Variants in PSAPL1 observed in about 807,000 individuals in gnomAD.
PSAPL1 encodes the protein proactivator polypeptide-like 1.
For synonymous variants in PSAPL1, 351 were observed against 291.6 expected (o/e 1.20, Z -2.08); for missense variants, 814 against 688.8 (o/e 1.18, Z -2.03).
Position 7,434,149 on chromosome 4 carries a change from G to C in PSAPL1, c.731C>G (p.Pro244Arg), listed in dbSNP as rs200558117. The change falls in exon 1 of 1, where the codon CCG becomes CGG. Residue 244 changes from proline (P) to arginine (R), a missense_variant. Coordinates refer to ENST00000319098, the MANE Select transcript of PSAPL1 (RefSeq NM_001085382.2). Reference protein sequence around the residue: ...PADQALRLLPPQELCRKGGFC... With the variant: ...PADQALRLLPRQELCRKGGFC... ...TCCCCCCTTCCTGCAGAGCTCCTGC[G>C]GGGGGAGAAGCCTCAGTGCTTGGTC... 6 of 1,613,826 alleles carry C rather than the reference G, an allele frequency of 3.7e-6. No homozygotes were observed. Among genetic ancestry groups the C allele is most frequent in the African/African-American group, 1.3e-5 (1 of 75,048 alleles).
At position 7,434,481 on chromosome 4, in the gene PSAPL1, C is replaced by A. The variant is rs369932062; in HGVS notation, c.399G>T (p.Val133=). The A allele has an allele frequency of 1.2e-6, 2 of 1,611,832 alleles. No homozygotes were observed. The highest frequency in any genetic ancestry group is 1.7e-5 in the Admixed American group (1 of 59,936). The change falls in exon 1 of 1, where the codon GTG becomes GTT. Residue 133 remains valine (V), a synonymous_variant. Coordinates refer to ENST00000319098, the MANE Select transcript of PSAPL1 (RefSeq NM_001085382.2). Reference sequence around the variant, plus strand: ...GCTCACAGAGGCTGAGCGCTGTGCACACCTGTGCCGGGGCACTGTCCGGGG... The same window carrying A: ...GCTCACAGAGGCTGAGCGCTGTGCAAACCTGTGCCGGGGCACTGTCCGGGG... The part of the protein sequence containing the change: ...RGAPDSAPAQ[V]CTALSLCEPL...
chr4:7,434,476 G>A lies in PSAPL1; in HGVS notation c.404C>T (p.Thr135Ile). The A allele has an allele frequency of 1.2e-6, 2 of 1,611,566 alleles. No homozygotes were observed. The highest frequency in any genetic ancestry group is 1.7e-6 in the Non-Finnish European group (2 of 1,179,572). ...CAGCGGCTCACAGAGGCTGAGCGCT[G>A]TGCACACCTGTGCCGGGGCACTGTC... Reference protein sequence around the residue: ...APDSAPAQVCTALSLCEPLQR... With the variant: ...APDSAPAQVCIALSLCEPLQR... Residue 135 changes from threonine (T) to isoleucine (I), a missense_variant, in exon 1 of 1, where the codon ACA (threonine) becomes ATA (isoleucine). Coordinates refer to ENST00000319098, the MANE Select transcript of PSAPL1 (RefSeq NM_001085382.2).
chr4:7,433,225 G>T lies in PSAPL1; in HGVS notation c.*89C>A, dbSNP rs991422283. 14 of 1,286,268 alleles carry T rather than the reference G, an allele frequency of 1.1e-5. No individual in the cohort carries two copies. In the African/African-American group the frequency reaches 1.7e-4, roughly 15 times the overall value. The allele number at this position is 1,286,268 out of a possible 1,614,324, so 79.7% of individuals were successfully genotyped here. ...CTCCTTCCCAGCCTCCCTCCTCAGAGCTTCAGTTTTTCATTTGTGAAATGG... is the reference window on the plus strand; with the variant it reads ...CTCCTTCCCAGCCTCCCTCCTCAGATCTTCAGTTTTTCATTTGTGAAATGG... On this transcript the variant is annotated 3_prime_UTR_variant, in exon 1 of 1. Transcript: ENST00000319098.
In PSAPL1 at chr4:7,433,830, A is replaced by C. The variant is rs750071382; in HGVS notation, c.1050T>G (p.Leu350=). 1 of 1,613,840 alleles carries C rather than the reference A, an allele frequency of 6.2e-7. No homozygotes were observed. Among genetic ancestry groups the C allele is most frequent in the Non-Finnish European group, 8.5e-7 (1 of 1,179,882 alleles). The stretch of plus-strand genomic sequence containing the variant: ...CCTTCTCTGGGGTGATTTTGGCCAC[A>C]AGCTGCACCAAGGAGGGGCTGTAGG... The part of the protein sequence containing the change: ...VDTYSPSLVQ[L]VAKITPEKVC... Residue 350 remains leucine (L), a synonymous_variant, in exon 1 of 1, where the codon CTT becomes CTG. Coordinates refer to ENST00000319098, the MANE Select transcript of PSAPL1 (RefSeq NM_001085382.2).
At position 7,434,729 on chromosome 4, in the gene PSAPL1, C is replaced by A; in HGVS notation, c.151G>T (p.Gly51Trp). 2 of 1,613,130 alleles carry A rather than the reference C, an allele frequency of 1.2e-6. No homozygotes were observed. The highest frequency in any genetic ancestry group is 1.7e-6 in the Non-Finnish European group (2 of 1,179,614). ...ARCGAVGYCQ[G>W]AVWNKPTAKS... ...GCGGTGGGTTTGTTCCATACGGCCC[C>A]TTGGCAGTACCCCACAGCCCCGCAC... The change falls in exon 1 of 1, where the codon GGG becomes TGG. Residue 51 changes from glycine (G) to tryptophan (W), a missense_variant. By Grantham distance (184) the Gly-to-Trp change is radical. Transcript: ENST00000319098.
rs1726941130 is a variant in PSAPL1 at position 7,432,517 on chromosome 4, A to C, written c.*797T>G. 6.6e-6 allele frequency: 1 copy of C among 151,686 alleles called. No homozygotes were observed. The highest frequency in any genetic ancestry group is 2.4e-5 in the African/African-American group (1 of 41,252). 9.4% of individuals were successfully genotyped at this position (151,686 alleles called of 1,614,324 possible). A position where few individuals can be genotyped will look rare whatever the true frequency, so the allele number is the denominator to read the frequency against. ...ACCGTCTTTGCCCTCGCTGCTCCAC[A>C]TCCCGGTGGCCACCCCAGACTCCTC... On this transcript the variant is annotated 3_prime_UTR_variant, in exon 1 of 1. Transcript: ENST00000319098.
Position 7,433,503 on chromosome 4 carries a change from G to T in PSAPL1, c.1377C>A (p.Pro459=). ...LIESLKDMMD[P]VAVCKKVGAC... is the part of the protein sequence containing the mutation. ...CCCCCACCTTCTTGCACACAGCCAC[G>T]GGGTCCATCATGTCCTTGAGACTCT... The change falls in exon 1 of 1, where the codon CCC becomes CCA. Residue 459 remains proline, a synonymous_variant. Transcript: ENST00000319098. 6.2e-7 allele frequency: 1 copy of T among 1,602,290 alleles called. No homozygotes were observed. The highest frequency in any genetic ancestry group is 2.2e-5 in the East Asian group (1 of 44,494).
chr4:7,434,803 C>T lies in PSAPL1; in HGVS notation c.77G>A (p.Cys26Tyr). ...RASPTSGPQECAKGSTVWCQD... is the reference protein window; with the variant it reads ...RASPTSGPQEYAKGSTVWCQD... ...ACACCACACCGTGGAGCCCTTTGCA[C>T]ACTCCTGGGGGCCTGAGGTGGGGCT... Residue 26 changes from cysteine (C) to tyrosine (Y), a missense_variant, in exon 1 of 1, where the codon TGT becomes TAT. Cys to Tyr is a radical substitution (Grantham distance 194, BLOSUM62 -2). Coordinates refer to ENST00000319098, the MANE Select transcript of PSAPL1 (RefSeq NM_001085382.2). The T allele has an allele frequency of 6.2e-7, 1 of 1,609,198 alleles. No individual in the cohort carries two copies. Among genetic ancestry groups the T allele is most frequent in the South Asian group, 1.1e-5 (1 of 90,108 alleles).
Position 7,433,158 on chromosome 4 carries a change from G to T in PSAPL1, c.*156C>A. On this transcript the variant is annotated 3_prime_UTR_variant, in exon 1 of 1. Coordinates refer to ENST00000319098, the MANE Select transcript of PSAPL1 (RefSeq NM_001085382.2). ...GTGCGGCACCGTTGTTAAGAGAGAG[G>T]CTTTCGGGATCAGGAATACTTGGTT... is the stretch of plus-strand genomic sequence containing the variant. 1 of 727,496 alleles carries T rather than the reference G, an allele frequency of 1.4e-6. No individual in the cohort carries two copies. Among genetic ancestry groups the T allele is most frequent in the Non-Finnish European group, 2.0e-6 (1 of 511,116 alleles). The allele number at this position is 727,496 out of a possible 1,614,324, so 45.1% of individuals were successfully genotyped here.
In PSAPL1 at chr4:7,433,362, C is replaced by T. The variant is rs1375650656; in HGVS notation, c.1518G>A (p.Gln506=). ...AKLCNAVQHC[Q]KHVWKEMHLH... is the part of the protein sequence containing the mutation. ...GGTGCATCTCTTTCCATACATGCTTCTGGCAGTGTTGCACAGCGTTGCACA... is the reference window on the plus strand; with the variant it reads ...GGTGCATCTCTTTCCATACATGCTTTTGGCAGTGTTGCACAGCGTTGCACA... The change falls in exon 1 of 1, where the codon CAG becomes CAA. Residue 506 remains glutamine, a synonymous_variant. Coordinates refer to ENST00000319098, the MANE Select transcript of PSAPL1 (RefSeq NM_001085382.2). 6.9e-7 allele frequency: 1 copy of T among 1,449,070 alleles called. No homozygotes were observed. Among genetic ancestry groups the T allele is most frequent in the African/African-American group, 1.4e-5 (1 of 70,214 alleles). The allele number at this position is 1,449,070 out of a possible 1,614,324, so 89.8% of individuals were successfully genotyped here.
rs1417395386 is a variant in PSAPL1 at position 7,433,508 on chromosome 4, C to T, written c.1372G>A (p.Asp458Asn). The change falls in exon 1 of 1, where the codon GAC (aspartate) becomes AAC (asparagine). Residue 458 changes from aspartate (D) to asparagine (N), a missense_variant. Transcript: ENST00000319098. ...VLIESLKDMM[D>N]PVAVCKKVGA... ...ACCTTCTTGCACACAGCCACGGGGT[C>T]CATCATGTCCTTGAGACTCTCAATG... 6.2e-7 allele frequency: 1 copy of T among 1,604,516 alleles called. No homozygotes were observed.
Position 7,434,484 on chromosome 4 carries a change from C to T in PSAPL1, c.396G>A (p.Gln132=). Residue 132 remains glutamine (Q), a synonymous_variant, in exon 1 of 1, where the codon CAG becomes CAA. Transcript: ENST00000319098. The part of the protein sequence containing the change: ...LRGAPDSAPA[Q]VCTALSLCEP... ...CACAGAGGCTGAGCGCTGTGCACACCTGTGCCGGGGCACTGTCCGGGGCCC... is the reference window on the plus strand; with the variant it reads ...CACAGAGGCTGAGCGCTGTGCACACTTGTGCCGGGGCACTGTCCGGGGCCC... 6.2e-7 allele frequency: 1 copy of T among 1,611,938 alleles called. No homozygotes were observed. Among genetic ancestry groups the T allele is most frequent in the Non-Finnish European group, 8.5e-7 (1 of 1,179,648 alleles).
At position 7,434,347 on chromosome 4, in the gene PSAPL1, G is replaced by T; in HGVS notation, c.533C>A (p.Ala178Glu). The change falls in exon 1 of 1, where the codon GCG becomes GAG. Residue 178 changes from alanine to glutamate, a missense_variant. By Grantham distance (107) the Ala-to-Glu change is moderately radical (BLOSUM62 -1). Transcript: ENST00000319098. ...GTCTTGGCACAGAGCTCCTTCAGGC[G>T]CCTGGCGGGGGTGGAAGGTAAGGGG... is the stretch of plus-strand genomic sequence containing the variant. The part of the protein sequence containing the change: ...NGPLTFHPRQ[A>E]PEGALCQDCV... The T allele has an allele frequency of 1.2e-6, 2 of 1,608,840 alleles. No homozygotes were observed. Among genetic ancestry groups the T allele is most frequent in the Non-Finnish European group, 1.7e-6 (2 of 1,177,924 alleles).
Position 7,433,986 on chromosome 4 carries a change from C to T in PSAPL1, c.894G>A (p.Met298Ile). ...AGTGGTCCAGCTTCTGCACCACGTT[C>T]ATGCACACCTCACAGGTCACACCGG... ...MKAGVTCEVC[M>I]NVVQKLDHWL... The change falls in exon 1 of 1, where the codon ATG becomes ATA. Residue 298 changes from methionine to isoleucine, a missense_variant. By Grantham distance (10) the Met-to-Ile change is conservative. Transcript: ENST00000319098. 6.2e-7 allele frequency: 1 copy of T among 1,613,786 alleles called. No individual in the cohort carries two copies. The highest frequency in any genetic ancestry group is 8.5e-7 in the Non-Finnish European group (1 of 1,179,822).
At position 7,434,029 on chromosome 4, in the gene PSAPL1, C is replaced by T; in HGVS notation, c.851G>A (p.Ser284Asn). 1 of 1,611,660 alleles carries T rather than the reference C, an allele frequency of 6.2e-7. No individual in the cohort carries two copies. The highest frequency in any genetic ancestry group is 8.5e-7 in the Non-Finnish European group (1 of 1,178,210). ...CACACCGGCCTTCATCTGCATCTCG[C>T]TCTGTTTCCTTGGCAACCCCAGCTC... ...SLELGLPRKQ[S>N]EMQMKAGVTC... is the part of the protein sequence containing the mutation. Residue 284 changes from serine (S) to asparagine (N), a missense_variant, in exon 1 of 1, where the codon AGC (serine) becomes AAC (asparagine). Transcript: ENST00000319098.
Position 7,434,213 on chromosome 4 carries a change from G to A in PSAPL1, c.667C>T (p.Leu223Phe), listed in dbSNP as rs918002611. 3 of 1,613,752 alleles carry A rather than the reference G, an allele frequency of 1.9e-6. No homozygotes were observed. The highest frequency in any genetic ancestry group is 2.2e-5 in the East Asian group (1 of 44,890). ...AACTGGAAGAGGTAGTTCTTGCAGA[G>A]GACGGCCAGGCCAGGCCCCAAGGAC... ...CESLGPGLAV[L>F]CKNYLFQFFV... Residue 223 changes from leucine (L) to phenylalanine (F), a missense_variant, in exon 1 of 1, where the codon CTC (leucine) becomes TTC (phenylalanine). Physicochemically the swap from Leu to Phe is conservative, Grantham distance 22. Coordinates refer to ENST00000319098, the MANE Select transcript of PSAPL1 (RefSeq NM_001085382.2).
chr4:7,434,472 C>T lies in PSAPL1; in HGVS notation c.408G>A (p.Ala136=), dbSNP rs767261815. The change falls in exon 1 of 1, where the codon GCG becomes GCA. Residue 136 remains alanine, a synonymous_variant. Transcript: ENST00000319098. Reference sequence around the variant, plus strand: ...TCTGCAGCGGCTCACAGAGGCTGAGCGCTGTGCACACCTGTGCCGGGGCAC... The same window carrying T: ...TCTGCAGCGGCTCACAGAGGCTGAGTGCTGTGCACACCTGTGCCGGGGCAC... ...PDSAPAQVCT[A]LSLCEPLQRH... 31 of 1,611,196 alleles carry T rather than the reference C, an allele frequency of 1.9e-5. No individual in the cohort carries two copies. Among genetic ancestry groups the T allele is most frequent in the African/African-American group, 4.0e-5 (3 of 74,924 alleles).
the PSAPL1 span, chr4:7,433,706 G>A: frequency 1.2e-6 from 2 of 1,612,912 alleles, no homozygotes; most frequent in Non-Finnish European, 1.7e-6. Context: ...AAGCTGCCCT[G>A]GTTCTCCGCG....
At position 7,434,749 on chromosome 4, in the gene PSAPL1, C is replaced by A; in HGVS notation, c.131G>T (p.Gly44Val). Reference protein sequence around the residue: ...CQDLQTAARCGAVGYCQGAVW... With the variant: ...CQDLQTAARCVAVGYCQGAVW... ...GGCCCCTTGGCAGTACCCCACAGCC[C>A]CGCACCTGGCAGCTGTCTGCAGATC... The change falls in exon 1 of 1, where the codon GGG (glycine) becomes GTG (valine). Residue 44 changes from glycine (G) to valine (V), a missense_variant. Physicochemically the swap from Gly to Val is moderately radical, Grantham distance 109. Transcript: ENST00000319098. 3 of 1,613,142 alleles carry A rather than the reference C, an allele frequency of 1.9e-6. No individual in the cohort carries two copies. Among genetic ancestry groups the A allele is most frequent in the Non-Finnish European group, 2.5e-6 (3 of 1,179,640 alleles).
Sources: gnomAD v4.1 joint callset for allele counts on GRCh38, gnomAD v4.1.1 for gene constraint, MANE v1.5 for transcripts, NCBI Gene and HGNC (gene_info 2026-07-23, HGNC 2026-07-21) for gene names.